The following RARB variants were observed in gnomAD, a reference collection of about 807,000 sequenced individuals.
The protein encoded by RARB is HBV-activated protein.
Under a neutral mutation model 51.9 loss-of-function variants are expected in RARB, and 17 were observed. The observed-to-expected ratio is 0.33, with a 90% CI of 0.22 to 0.49. The LOEUF (loss-of-function observed/expected upper bound fraction) is 0.49, where lower values mean the gene tolerates loss of function less well. RARB is among the 20% of genes least tolerant of loss of function. The pLI is 0.99. For synonymous variants in RARB, 215 were observed against 195.4 expected (o/e 1.10, Z -0.84); for missense variants, 369 against 550.8 (o/e 0.67, Z 3.30).
chr3:25,449,920 G>A (rs1709118439), intron 1 of RARB, among the ~76,000 whole-genome samples: 1 of 151,698 alleles, frequency 6.6e-6, no homozygotes, highest in South Asian at 2.1e-4. Flanking sequence ...AATTTTTTTT[G>A]TGTGTATTTT....
intron 3 of RARB, among the ~76,000 whole-genome samples, chr3:25,060,460 A>G (rs1698526484): frequency 6.6e-6 from 1 of 151,868 alleles, no homozygotes; most frequent in South Asian, 2.1e-4. Flanking sequence ...AAGGGGCCAG[A>G]TAGTGAATAC....
chr3:25,557,570 A>G (rs1700110672), intron 3 of RARB, among the ~76,000 whole-genome samples: 1 of 151,954 alleles, frequency 6.6e-6, no homozygotes, highest in Non-Finnish European at 1.5e-5. Context: ...CCTCACCATC[A>G]TTGTGCAAGC....
chr3:25,473,805 T>A (rs976083972), intron 2 of RARB, among the ~76,000 whole-genome samples: 1 of 151,430 alleles, frequency 6.6e-6, no homozygotes, highest in African/African-American at 2.4e-5. Flanking sequence ...ATGTAATGTT[T>A]CATTTATAAC....
chr3:24,935,706 G>C (rs1695534635), intron 2 of RARB, among the ~76,000 whole-genome samples: 2 of 152,118 alleles, frequency 1.3e-5, no homozygotes, highest in African/African-American at 2.4e-5. Flanking sequence ...TTTCAAGTAG[G>C]CCTGGCAGGA....
chr3:25,210,529 C>CTTTTTTTTTTTTTGTTTTTT (rs1701667914), intron 5 of RARB, among the ~76,000 whole-genome samples: 1 of 27,618 alleles, frequency 3.6e-5, no homozygotes, highest in Admixed American at 5.8e-4. Flanking sequence ...TTATCTGATT[C>CTTTTTTTTTTTTTGTTTTTT]TTTTTTTTTT....
At chr3:24,991,223 C>T (rs1380034394) in intron 2 of RARB, among the ~76,000 whole-genome samples, 1 of 152,112 alleles carries the variant, frequency 6.6e-6, no homozygotes, top group Non-Finnish European at 1.5e-5. Context: ...GGCAGATCAC[C>T]TGAGGTCAGG....
chr3:24,899,468 C>T (rs1383489638), intron 2 of RARB, among the ~76,000 whole-genome samples: 5 of 152,074 alleles, frequency 3.3e-5, no homozygotes, highest in East Asian at 1.9e-4. Flanking sequence ...TGTGAGAGGC[C>T]GAATATTATA....
intron 5 of RARB, among the ~76,000 whole-genome samples, chr3:25,335,230 A>G (rs1705029771): frequency 6.6e-6 from 1 of 152,064 alleles, no homozygotes; most frequent in African/African-American, 2.4e-5. Context: ...GCACATACCA[A>G]ATGTTCAATA....
intron 3 of RARB, among the ~76,000 whole-genome samples, chr3:25,128,564 G>A (rs1240843660): frequency 1.5e-4 from 22 of 150,912 alleles, no homozygotes; most frequent in Admixed American, 1.5e-3. Flanking sequence ...ATTCCAGGAG[G>A]CAGCCTTTAT....
intron 2 of RARB, among the ~76,000 whole-genome samples, chr3:24,939,796 C>G (rs572448671): frequency 6.6e-6 from 1 of 152,164 alleles, no homozygotes; most frequent in Non-Finnish European, 1.5e-5. Flanking sequence ...TGTTAGCACC[C>G]TATAATGCAT....
intron 5 of RARB, among the ~76,000 whole-genome samples, chr3:25,386,344 G>A (rs1252818114): frequency 6.6e-6 from 1 of 152,200 alleles, no homozygotes; most frequent in East Asian, 1.9e-4. Flanking sequence ...AAGTTGGAAA[G>A]GTTAACAGGA....
chr3:24,998,123 C>A (rs1467818931), intron 2 of RARB, among the ~76,000 whole-genome samples: 2 of 151,914 alleles, frequency 1.3e-5, no homozygotes, highest in African/African-American at 2.4e-5. Flanking sequence ...TGTACTTATT[C>A]TTTCAGAATC....
At chr3:25,368,851 G>C (rs1018177394) in intron 5 of RARB, among the ~76,000 whole-genome samples, 1 of 152,110 alleles carries the variant, frequency 6.6e-6, no homozygotes, top group Admixed American at 6.6e-5. Context: ...ATTTAGACCC[G>C]TTTGGATAGT....
At chr3:25,045,815 A>G (rs1475303938) in intron 2 of RARB, among the ~76,000 whole-genome samples, 1 of 152,242 alleles carries the variant, frequency 6.6e-6, no homozygotes, top group Non-Finnish European at 1.5e-5. Context: ...ATTAGTTCCA[A>G]AATAAAATTT....
intron 5 of RARB, among the ~76,000 whole-genome samples, chr3:25,379,095 C>T (rs1355240871): frequency 6.6e-6 from 1 of 152,154 alleles, no homozygotes; most frequent in Non-Finnish European, 1.5e-5. Flanking sequence ...ACCTGTCATT[C>T]ACATGTGTTA....
intron 2 of RARB, among the ~76,000 whole-genome samples, chr3:24,903,256 T>C (rs552222477): frequency 1.2e-4 from 19 of 152,008 alleles, no homozygotes; most frequent in African/African-American, 4.1e-4. Context: ...GGTACAGAAA[T>C]AGGAAATAAT....
Position 25,494,250 on chromosome 3 carries a change from T to TACACACACACAC in RARB, c.307-6930_307-6929insACACACACACAC, listed in dbSNP as rs142658742. On this transcript the variant is annotated intron_variant, in intron 2 of 7. Transcript: ENST00000330688. ...TTAGCCCCCTTTTCCAGCTGTATCT[T>TACACACACACAC]ACGCACACACACACACACACACACA... is the stretch of plus-strand genomic sequence containing the variant. Among the ~76,000 whole-genome samples the TACACACACACAC allele has an allele frequency of 6.1e-3, 836 of 137,148 alleles. 11 individuals carry two copies. The highest frequency in any genetic ancestry group is 0.02 in the African/African-American group (782 of 38,726). The allele number at this position is 137,148 out of a possible 152,430, so 90.0% of individuals were successfully genotyped here. A position where few individuals can be genotyped will look rare whatever the true frequency, so the allele number is the denominator to read the frequency against.
At chr3:25,145,942 C>T (rs1355153674) in intron 4 of RARB, among the ~76,000 whole-genome samples, 1 of 151,742 alleles carries the variant, frequency 6.6e-6, no homozygotes, top group African/African-American at 2.4e-5. Context: ...ACAGAGGTTG[C>T]AGTGAGGTGA....
intron 2 of RARB, among the ~76,000 whole-genome samples, chr3:25,495,417 G>A (rs1696973634): frequency 6.6e-6 from 1 of 152,182 alleles, no homozygotes; most frequent in South Asian, 2.1e-4. Flanking sequence ...AAAAAAGACA[G>A]TTATCTTGCC....
Sources: gnomAD v4.1 joint callset for allele counts (sites outside exome capture counted in the v4.1 genomes callset) on GRCh38, gnomAD v4.1.1 for gene constraint, MANE v1.5 for transcripts, NCBI Gene and HGNC (gene_info 2026-07-23, HGNC 2026-07-21) for gene names.